AKT1: variants seen among roughly 807,000 people sequenced by gnomAD.
AKT1 encodes the protein AKT serine/threonine kinase 1, also known as RAC-alpha serine/threonine-protein kinase.
Under a neutral mutation model 63.1 loss-of-function variants are expected in AKT1, and 21 were observed. The observed-to-expected ratio is 0.33, with a 90% confidence interval of 0.24 to 0.48. The LOEUF is 0.48. Ranked by LOEUF, AKT1 falls within the 20% of genes least tolerant of loss-of-function variation. The pLI is 0.99. For synonymous variants in AKT1, 257 were observed against 253.1 expected (o/e 1.02, Z -0.15); for missense variants, 382 against 666.0 (o/e 0.57, Z 4.69).
chr14:104,773,694 AC>A, intron 9 of AKT1, 114 bp from the exon 10 acceptor site: 1 of 1,446,386 alleles, frequency 6.9e-7, no homozygotes, highest in Non-Finnish European at 9.3e-7. Context: ...GGGACCAGCC[AC>A]CAGAGGGCAC....
At chr14:104,790,144 C>G (rs539830258) in intron 3 of AKT1, among the ~76,000 whole-genome samples, 1 of 152,332 alleles carries the variant, frequency 6.6e-6, no homozygotes, top group East Asian at 1.9e-4. Context: ...CCCAAGTAGC[C>G]GTGGTGGGAC....
At chr14:104,786,075 C>T (rs1412131708) in intron 3 of AKT1, among the ~76,000 whole-genome samples, 1 of 152,120 alleles carries the variant, frequency 6.6e-6, no homozygotes, top group Non-Finnish European at 1.5e-5. Flanking sequence ...CAGCACATCC[C>T]AAGACCCTGT....
intron 3 of AKT1, among the ~76,000 whole-genome samples, 174 bp downstream of exon 3, chr14:104,792,424 C>T (rs61757058): frequency 1.3e-5 from 2 of 152,262 alleles, no homozygotes; most frequent in Non-Finnish European, 2.9e-5. Context: ...TCCCCGAGGC[C>T]GTGCCCTCCA....
chr14:104,776,942 A>G lies in AKT1; in HGVS notation c.176-172T>C, dbSNP rs1008161077. On this transcript the variant is annotated intron_variant, in intron 4 of 14. Coordinates refer to ENST00000649815, the MANE Select transcript of AKT1 (RefSeq NM_001382430.1). The stretch of plus-strand genomic sequence containing the variant: ...GTTTCTCGCCTCACAGAGTGGGGCT[A>G]GGACCCCTGTTCCAGCTCAGACACT... 10 of 589,362 alleles carry G rather than the reference A, an allele frequency of 1.7e-5. No homozygotes were observed. In the Admixed American group the frequency reaches 3.0e-4, roughly 18 times the overall value. 36.5% of individuals were successfully genotyped at this position (589,362 alleles called of 1,614,324 possible).
At chr14:104,792,314 A>G (rs941772165) in intron 3 of AKT1, among the ~76,000 whole-genome samples, 2 of 152,166 alleles carry the variant, frequency 1.3e-5, no homozygotes, top group African/African-American at 2.4e-5. Context: ...CTTCCAGGAA[A>G]GCCAGGAGAG....
intron 9 of AKT1, 100 bp from the exon 10 acceptor site, chr14:104,773,680 G>A (rs779068915): frequency 2.0e-4 from 294 of 1,494,388 alleles, no homozygotes; most frequent in Non-Finnish European, 2.4e-4. Flanking sequence ...CATTGCACAG[G>A]GAAGGGACCA....
intron 8 of AKT1, 127 bp downstream of exon 8, chr14:104,774,811 C>T: frequency 9.4e-7 from 1 of 1,059,562 alleles, no homozygotes; most frequent in South Asian, 1.6e-5. Context: ...CCTGTCTCAC[C>T]AGCGGCGGAG....
chr14:104,781,711 T>C (rs1893057598), intron 3 of AKT1, among the ~76,000 whole-genome samples: 1 of 152,144 alleles, frequency 6.6e-6, no homozygotes, highest in Non-Finnish European at 1.5e-5. Flanking sequence ...GGGGGGATGC[T>C]GGTGGAGGGT....
In AKT1 at chr14:104,773,451, GCACCTTGAGGTCCCGGTA is replaced by G; in HGVS notation, c.814_828+3del. ...CCTGCCCCCCTGCCTGCCCGCCAGC[GCACCTTGAGGTCCCGGTA>G]CACCACGTTCTTCTCCGAGTGCAGG... On this transcript the variant is annotated splice_donor_variant and splice_donor_region_variant and coding_sequence_variant and intron_variant, in exon 10 of 15. Transcript: ENST00000649815. LOFTEE classifies it high-confidence loss of function. The G allele has an allele frequency of 6.2e-7, 1 of 1,613,896 alleles. No individual in the cohort carries two copies. The highest frequency in any genetic ancestry group is 8.5e-7 in the Non-Finnish European group (1 of 1,179,854).
At chr14:104,777,801 T>TCCTGGCCC in intron 4 of AKT1, 5 of 941,092 alleles carry the variant, frequency 5.3e-6, no homozygotes, top group Non-Finnish European at 6.3e-6. Flanking sequence ...GAAGCTGTCT[T>TCCTGGCCC]CCAGGCCTGG....
intron 2 of AKT1, 174 bp from the exon 3 acceptor site, chr14:104,792,896 C>T: frequency 1.7e-6 from 1 of 598,232 alleles, no homozygotes; most frequent in Non-Finnish European, 3.0e-6. Flanking sequence ...GCCTGCCTTC[C>T]CTCTCCCCAA....
chr14:104,780,066 G>C (rs758839588), intron 4 of AKT1, 22 bp downstream of exon 4: 1 of 1,609,950 alleles, frequency 6.2e-7, no homozygotes, highest in South Asian at 1.1e-5. Flanking sequence ...TCTGAATCCC[G>C]AGAGGCCAAG....
chr14:104,781,400 G>C (rs61761175), intron 3 of AKT1, among the ~76,000 whole-genome samples: 1 of 152,170 alleles, frequency 6.6e-6, no homozygotes, highest in African/African-American at 2.4e-5. Context: ...CTGGGTCTTC[G>C]TGGTGAGCCC....
At chr14:104,780,719 C>T (rs1013185911) in intron 3 of AKT1, among the ~76,000 whole-genome samples, 3 of 152,156 alleles carry the variant, frequency 2.0e-5, no homozygotes, top group Non-Finnish European at 4.4e-5. Context: ...GGCCGCCCCC[C>T]CCGCCCCGCC....
intron 3 of AKT1, among the ~76,000 whole-genome samples, chr14:104,783,186 A>G (rs1893155975): frequency 6.6e-6 from 1 of 152,040 alleles, no homozygotes; most frequent in Non-Finnish European, 1.5e-5. Flanking sequence ...CCCCTCACAC[A>G]AAGAGACCAA....
rs756293014 is a variant in AKT1, at chr14:104,774,993, G to A, written c.578C>T (p.Ala193Val). ...GACGCGGTTCTCGGTGAGTGTGTGG[G>A]CCACCTCGTCCTGTAAAGCAGGGCT... Reference protein sequence around the residue: ...KEVIVAKDEVAHTLTENRVLQ... With the variant: ...KEVIVAKDEVVHTLTENRVLQ... Residue 193 changes from alanine (A) to valine (V), a missense_variant, in exon 8 of 15, where the codon GCC becomes GTC. Physicochemically the swap from Ala to Val is moderately conservative, Grantham distance 64 (BLOSUM62 0). This residue lies in a region of AKT1 where 226 missense variants were observed against 366.4 expected (regional missense o/e 0.62). Transcript: ENST00000649815. 1.2e-6 allele frequency: 2 copies of A among 1,612,896 alleles called. No individual in the cohort carries two copies. The highest frequency in any genetic ancestry group is 2.2e-5 in the East Asian group (1 of 44,880).
At chr14:104,777,556 G>A (rs1892802235) in intron 4 of AKT1, 2 of 1,014,100 alleles carry the variant, frequency 2.0e-6, no homozygotes, top group Non-Finnish European at 1.2e-6. Flanking sequence ...AAGCACACCT[G>A]GGGAACACAT....
chr14:104,774,905 C>T, intron 8 of AKT1, 33 bp downstream of exon 8: 1 of 1,598,140 alleles, frequency 6.3e-7, no homozygotes, highest in African/African-American at 1.3e-5. Context: ...TACCTGGCCC[C>T]AGCCCTTCAG....
intron 1 of AKT1, chr14:104,793,971 C>T (rs1310685798): frequency 6.6e-6 from 1 of 152,304 alleles, no homozygotes; most frequent in Non-Finnish European, 1.5e-5. Flanking sequence ...AGACGCTCTC[C>T]CCCCAGGCCA....
Sources: allele counts gnomAD v4.1 joint callset (sites outside exome capture counted in the v4.1 genomes callset), GRCh38; gene constraint gnomAD v4.1.1; regional missense constraint gnomAD v4.1.1; transcripts MANE v1.5; gene names NCBI Gene and HGNC (gene_info 2026-07-23, HGNC 2026-07-21).